Variants in SLC2A4RG observed in about 807,000 individuals in gnomAD.
SLC2A4RG encodes the protein GLUT4 enhancer factor.
A neutral mutation model predicts 35.5 loss-of-function variants in SLC2A4RG; 23 were observed. The ratio of observed to expected loss-of-function variants is 0.65; its 90% CI spans 0.47 to 0.92. SLC2A4RG has a LOEUF of 0.92. Ranked by LOEUF, SLC2A4RG falls within the 40% of genes least tolerant of loss-of-function variation. The probability of loss-of-function intolerance (pLI) is 0.00; values close to 1 mark genes in which losing one functional copy is unlikely to be tolerated. For missense variants in SLC2A4RG, 539 were observed against 525.0 expected (o/e 1.03, Z -0.26); for synonymous variants, 306 against 243.7 (o/e 1.26, Z -2.38).
At position 63,742,894 on chromosome 20, in the gene SLC2A4RG, C is replaced by T. The variant is rs779749018; in HGVS notation, c.1068C>T (p.Asp356=). The T allele has an allele frequency of 1.2e-4, 192 of 1,611,724 alleles. No individual in the cohort carries two copies. Among genetic ancestry groups the T allele is most frequent in the Non-Finnish European group, 1.5e-4 (173 of 1,179,332 alleles). The change falls in exon 8 of 8, where the codon GAC becomes GAT. Residue 356 remains aspartate (D), a synonymous_variant. Coordinates refer to ENST00000266077, the MANE Select transcript of SLC2A4RG (RefSeq NM_020062.4). ...CCCCGCACAGGAAGCCCCGCGGCGA[C>T]GCGAAGAAGTGCCGGAAGGTGTATG... ...IGVTLRKPRG[D]AKKCRKVYGM...
chr20:63,741,740 C>T, intron 3 of SLC2A4RG, 129 bp from the exon 4 acceptor site: 4 of 1,436,006 alleles, frequency 2.8e-6, no homozygotes, highest in Non-Finnish European at 3.6e-6. Context: ...CTCCCCAAGC[C>T]CTGGGGCCAG....
At position 63,740,020 on chromosome 20, in the gene SLC2A4RG, G is replaced by C. The variant is rs927656857; in HGVS notation, c.108G>C (p.Thr36=). 1 of 981,184 alleles carries C rather than the reference G, an allele frequency of 1.0e-6. No homozygotes were observed. Among genetic ancestry groups the C allele is most frequent in the Admixed American group, 6.3e-5 (1 of 15,802 alleles). 60.8% of individuals were successfully genotyped at this position (981,184 alleles called of 1,614,324 possible). Reference sequence around the variant, plus strand: ...CGGGGCCGCGCGCCGCGCCCGTGACGGTGCCCACGCCGCCGCAGGTACCGG... The same window carrying C: ...CGGGGCCGCGCGCCGCGCCCGTGACCGTGCCCACGCCGCCGCAGGTACCGG... ...EGPGPRAAPV[T]VPTPPQGSSV... Residue 36 remains threonine (T), a synonymous_variant, in exon 1 of 8, where the codon ACG becomes ACC. Transcript: ENST00000266077.
At chr20:63,740,927 G>GAGCT (rs1372921507) in intron 2 of SLC2A4RG, among the ~76,000 whole-genome samples, 2 of 152,152 alleles carry the variant, frequency 1.3e-5, no homozygotes, top group African/African-American at 4.8e-5. Context: ...GGGGCCTGGG[G>GAGCT]AGCTGCCCGT....
In SLC2A4RG at chr20:63,739,833, C is replaced by A; in HGVS notation, c.-80C>A. The A allele has an allele frequency of 1.0e-6, 1 of 975,360 alleles. No homozygotes were observed. Among genetic ancestry groups the A allele is most frequent in the Non-Finnish European group, 1.2e-6 (1 of 825,800 alleles). The allele number at this position is 975,360 out of a possible 1,614,324, so 60.4% of individuals were successfully genotyped here. On this transcript the variant is annotated 5_prime_UTR_variant, in exon 1 of 8. Coordinates refer to ENST00000266077, the MANE Select transcript of SLC2A4RG (RefSeq NM_020062.4). ...GGATCCAGGGCGGGGGTCGGCGGCC[C>A]GGCCAGCCCGGCCCGGCCCGGGGCC... is the stretch of plus-strand genomic sequence containing the variant.
chr20:63,741,310 C>A, intron 2 of SLC2A4RG, 60 bp from the exon 3 acceptor site: 2 of 1,519,394 alleles, frequency 1.3e-6, no homozygotes, highest in South Asian at 1.1e-5. Flanking sequence ...CGTGGACCGA[C>A]CAGGGGAGGG....
chr20:63,742,581 A>AC lies in SLC2A4RG; in HGVS notation c.931dup (p.Gln311ProfsTer6). 1 of 1,578,862 alleles carries AC rather than the reference A, an allele frequency of 6.3e-7. No individual in the cohort carries two copies. Among genetic ancestry groups the AC allele is most frequent in the South Asian group, 1.2e-5 (1 of 86,584 alleles). ...CCCCCTGTCCTGAGCACCGTTGCTA[A>AC]CCCCCAGTCCTGTCACAGTGACCGT... is the stretch of plus-strand genomic sequence containing the variant. On this transcript the variant is annotated frameshift_variant, in exon 6 of 8. Transcript: ENST00000266077. LOFTEE classifies it high-confidence loss of function.
rs1473189225 is a variant in SLC2A4RG at position 63,739,784 on chromosome 20, G to GGCGGC, written c.-119_-115dup. Reference sequence around the variant, plus strand: ...GGCGGGGCGGGCCGGGCAGCCTCCGGGCGGCGCGGCGCGGGCGGCGGCCGG... The same window carrying GGCGGC: ...GGCGGGGCGGGCCGGGCAGCCTCCGGGCGGCGCGGCGCGGCGCGGGCGGCGGCCGG... On this transcript the variant is annotated 5_prime_UTR_variant, in exon 1 of 8. Coordinates refer to ENST00000266077, the MANE Select transcript of SLC2A4RG (RefSeq NM_020062.4). 3.9e-5 allele frequency: 36 copies of GGCGGC among 933,646 alleles called. No homozygotes were observed. Among genetic ancestry groups the GGCGGC allele is most frequent in the South Asian group, 9.8e-5 (2 of 20,346 alleles). 57.8% of individuals were successfully genotyped at this position (933,646 alleles called of 1,614,324 possible). A position where few individuals can be genotyped will look rare whatever the true frequency, so the allele number is the denominator to read the frequency against.
In SLC2A4RG at chr20:63,743,053, GCTGAAACAGCCCGAGGACAGCCCCA is replaced by G; in HGVS notation, c.*64_*88del. 1 of 1,244,662 alleles carries G rather than the reference GCTGAAACAGCCCGAGGACAGCCCCA, an allele frequency of 8.0e-7. No homozygotes were observed. The highest frequency in any genetic ancestry group is 1.4e-5 in the South Asian group (1 of 71,436). The allele number at this position is 1,244,662 out of a possible 1,614,324, so 77.1% of individuals were successfully genotyped here. On this transcript the variant is annotated 3_prime_UTR_variant, in exon 8 of 8. Transcript: ENST00000266077. ...CCTCCCCACCCCCTCCAGGCCCGGG[GCTGAAACAGCCCGAGGACAGCCCCA>G]GGGGCTGGCTTTCACCAGCTGCAGG...
chr20:63,741,225 G>A (rs2092039895), intron 2 of SLC2A4RG, 145 bp from the exon 3 acceptor site: 2 of 724,470 alleles, frequency 2.8e-6, no homozygotes, highest in Non-Finnish European at 4.6e-6. Flanking sequence ...TGCAACCTGA[G>A]CTGGGGGAGG....
intron 2 of SLC2A4RG, 87 bp from the exon 3 acceptor site, chr20:63,741,281 ACG>A (rs2092040047): frequency 8.5e-7 from 1 of 1,174,048 alleles, no homozygotes; most frequent in African/African-American, 1.5e-5. Context: ...CCTGGTGTGC[ACG>A]CGTGCCCAGG....
At position 63,739,868 on chromosome 20, in the gene SLC2A4RG, G is replaced by T; in HGVS notation, c.-45G>T. 1 of 977,660 alleles carries T rather than the reference G, an allele frequency of 1.0e-6. No homozygotes were observed. Among genetic ancestry groups the T allele is most frequent in the Non-Finnish European group, 1.2e-6 (1 of 827,074 alleles). The allele number at this position is 977,660 out of a possible 1,614,324, so 60.6% of individuals were successfully genotyped here. The stretch of plus-strand genomic sequence containing the variant: ...GGCCCGGCCCGGGGCCGCGTCCTGA[G>T]AGTCAGCCCTCGCCGCTGCAGCCTC... On this transcript the variant is annotated 5_prime_UTR_variant, in exon 1 of 8. Coordinates refer to ENST00000266077, the MANE Select transcript of SLC2A4RG (RefSeq NM_020062.4).
Position 63,742,930 on chromosome 20 carries a change from C to A in SLC2A4RG, c.1104C>A (p.Arg368=). 1 of 1,612,506 alleles carries A rather than the reference C, an allele frequency of 6.2e-7. No homozygotes were observed. Among genetic ancestry groups the A allele is most frequent in the Non-Finnish European group, 8.5e-7 (1 of 1,179,698 alleles). The change falls in exon 8 of 8, where the codon CGC becomes CGA. Residue 368 remains arginine (R), a synonymous_variant. Coordinates refer to ENST00000266077, the MANE Select transcript of SLC2A4RG (RefSeq NM_020062.4). The stretch of plus-strand genomic sequence containing the variant: ...GCCGGAAGGTGTATGGCATGGAGCG[C>A]CGGGACCTCTGGTGCACAGCCTGCC... ...KKCRKVYGME[R]RDLWCTACRW...
Position 63,742,199 on chromosome 20 carries a change from A to G in SLC2A4RG, c.649A>G (p.Met217Val), listed in dbSNP as rs1392978870. The G allele has an allele frequency of 8.8e-6, 14 of 1,599,788 alleles. No individual in the cohort carries two copies. Among genetic ancestry groups the G allele is most frequent in the Admixed American group, 1.7e-5 (1 of 57,906 alleles). Residue 217 changes from methionine to valine, a missense_variant, in exon 5 of 8, where the codon ATG becomes GTG. Transcript: ENST00000266077. ...CGKVLSTASAMQRHIRLVHLG... is the reference protein window; with the variant it reads ...CGKVLSTASAVQRHIRLVHLG... ...GAAGGTGCTGAGCACGGCGTCGGCG[A>G]TGCAGAGACACATCCGCCTGGTGCA...
At position 63,741,384 on chromosome 20, in the gene SLC2A4RG, A is replaced by G; in HGVS notation, c.296A>G (p.Lys99Arg). ...PVPAQRATPG[K>R]ARLDEVMAAA... ...ATCTCCTCCAGAGCCACCCCAGGAA[A>G]AGCCCGGCTGGACGAGGTCATGGCT... Residue 99 changes from lysine to arginine, a missense_variant, in exon 3 of 8, where the codon AAA becomes AGA. By Grantham distance (26) the Lys-to-Arg change is conservative. Coordinates refer to ENST00000266077, the MANE Select transcript of SLC2A4RG (RefSeq NM_020062.4). The G allele has an allele frequency of 6.2e-7, 1 of 1,613,058 alleles. No homozygotes were observed. The highest frequency in any genetic ancestry group is 8.5e-7 in the Non-Finnish European group (1 of 1,179,918).
chr20:63,741,119 G>A (rs2092039393), intron 2 of SLC2A4RG: 1 of 540,432 alleles, frequency 1.9e-6, no homozygotes, highest in Admixed American at 3.2e-5. Flanking sequence ...GTATCTGAAG[G>A]AACCACAGTG....
At position 63,742,790 on chromosome 20, in the gene SLC2A4RG, G is replaced by C. The variant is rs2092050759; in HGVS notation, c.1052G>C (p.Arg351Thr). Residue 351 changes from arginine to threonine, a missense_variant and splice_region_variant, in exon 7 of 8, where the codon AGG becomes ACG. Physicochemically the swap from Arg to Thr is moderately conservative, Grantham distance 71. Transcript: ENST00000266077. ...ALSSRIGVTL[R>T]KPRGDAKKCR... Reference sequence around the variant, plus strand: ...TCCTCCAGGATCGGAGTCACCCTGAGGTGCGTGTGGGCTGAGGGCCTGCGG... The same window carrying C: ...TCCTCCAGGATCGGAGTCACCCTGACGTGCGTGTGGGCTGAGGGCCTGCGG... 1 of 1,581,214 alleles carries C rather than the reference G, an allele frequency of 6.3e-7. No individual in the cohort carries two copies. The highest frequency in any genetic ancestry group is 1.3e-5 in the African/African-American group (1 of 74,458).
intron 1 of SLC2A4RG, 42 bp from the exon 2 acceptor site, chr20:63,740,335 C>T (rs2092035457): frequency 3.3e-6 from 4 of 1,207,210 alleles, no homozygotes; most frequent in African/African-American, 1.6e-5. Context: ...CCCCCTCCCC[C>T]GGCCACCGCC....
At position 63,743,034 on chromosome 20, in the gene SLC2A4RG, C is replaced by T. The variant is rs1418854149; in HGVS notation, c.*44C>T. On this transcript the variant is annotated 3_prime_UTR_variant, in exon 8 of 8. Transcript: ENST00000266077. Reference sequence around the variant, plus strand: ...CATAAGCTACCACCTTCTCCCTCCCCACCCCCTCCAGGCCCGGGGCTGAAA... The same window carrying T: ...CATAAGCTACCACCTTCTCCCTCCCTACCCCCTCCAGGCCCGGGGCTGAAA... 4 of 1,503,954 alleles carry T rather than the reference C, an allele frequency of 2.7e-6. No homozygotes were observed. Among genetic ancestry groups the T allele is most frequent in the South Asian group, 2.5e-5 (2 of 81,374 alleles). 93.2% of individuals were successfully genotyped at this position (1,503,954 alleles called of 1,614,324 possible).
At position 63,742,373 on chromosome 20, in the gene SLC2A4RG, G is replaced by A; in HGVS notation, c.718G>A (p.Asp240Asn). The change falls in exon 6 of 8, where the codon GAC becomes AAC. Residue 240 changes from aspartate (D) to asparagine (N), a missense_variant. By Grantham distance (23) the Asp-to-Asn change is conservative. Coordinates refer to ENST00000266077, the MANE Select transcript of SLC2A4RG (RefSeq NM_020062.4). ...AEPEQSDGEE[D>N]FYYTELDVGV... ...GCCTGAGCAGAGTGATGGTGAGGAG[G>A]ACTTCTACTACACAGAGCTGGATGT... 4 of 1,610,832 alleles carry A rather than the reference G, an allele frequency of 2.5e-6. No homozygotes were observed. The highest frequency in any genetic ancestry group is 3.4e-6 in the Non-Finnish European group (4 of 1,178,696).
Sources: gnomAD v4.1 joint callset for allele counts (sites outside exome capture counted in the v4.1 genomes callset) on GRCh38, gnomAD v4.1.1 for gene constraint, MANE v1.5 for transcripts, NCBI Gene and HGNC (gene_info 2026-07-23, HGNC 2026-07-21) for gene names.